The following CRACDL variants were observed in gnomAD, a reference collection of about 807,000 sequenced individuals.
The protein encoded by CRACDL is CRACD-like protein.
CRACDL carries 26 observed loss-of-function variants against 70.6 expected under a neutral mutation model. The observed-to-expected ratio is 0.37, with a 90% CI of 0.27 to 0.51. The LOEUF (loss-of-function observed/expected upper bound fraction) is 0.51, where lower values mean the gene tolerates loss of function less well. CRACDL is among the 20% of genes least tolerant of loss of function. The pLI, the probability that CRACDL is intolerant of heterozygous loss-of-function variation, is 0.94. For synonymous variants in CRACDL, 618 were observed against 615.2 expected (o/e 1.00, Z -0.07); for missense variants, 1,283 against 1,376.9 (o/e 0.93, Z 1.08).
At chr2:98,806,296 A>G (rs1704289331) in intron 7 of CRACDL, among the ~76,000 whole-genome samples, 1 of 152,386 alleles carries the variant, frequency 6.6e-6, no homozygotes, top group East Asian at 1.9e-4. Context: ...AAGAAAAAAC[A>G]ATCGTTGAGT....
intron 1 of CRACDL, among the ~76,000 whole-genome samples, chr2:98,852,423 T>C (rs757856167): frequency 2.0e-5 from 3 of 152,090 alleles, no homozygotes; most frequent in African/African-American, 2.4e-5. Context: ...TCATTTACAA[T>C]GTCTACCATA....
chr2:98,851,310 A>C (rs1434635073), intron 1 of CRACDL, among the ~76,000 whole-genome samples: 7 of 152,224 alleles, frequency 4.6e-5, no homozygotes, highest in African/African-American at 1.4e-4. Flanking sequence ...AGAACTGAAC[A>C]GATCACACCA....
intron 1 of CRACDL, among the ~76,000 whole-genome samples, chr2:98,850,051 G>C (rs1228433405): frequency 6.6e-6 from 1 of 152,184 alleles, no homozygotes; most frequent in Non-Finnish European, 1.5e-5. Flanking sequence ...ATGGACAAAG[G>C]CTCCCAGAGC....
chr2:98,917,504 A>G (rs988958180), intron 1 of CRACDL, among the ~76,000 whole-genome samples: 3 of 152,224 alleles, frequency 2.0e-5, no homozygotes, highest in African/African-American at 7.2e-5. Flanking sequence ...AAAACAAACA[A>G]ACAAAAGCAA....
chr2:98,843,570 G>C (rs1325760217), intron 2 of CRACDL, among the ~76,000 whole-genome samples: 1 of 152,216 alleles, frequency 6.6e-6, no homozygotes, highest in East Asian at 1.9e-4. Context: ...TAATCTGTGA[G>C]GTATATTTGC....
intron 7 of CRACDL, among the ~76,000 whole-genome samples, chr2:98,819,124 A>G (rs1704918191): frequency 1.3e-5 from 2 of 152,194 alleles, no homozygotes; most frequent in Non-Finnish European, 2.9e-5. Context: ...AAAATACTCT[A>G]TTACATTTTA....
intron 1 of CRACDL, among the ~76,000 whole-genome samples, chr2:98,922,072 T>A (rs748853086): frequency 1.2e-4 from 19 of 152,266 alleles, no homozygotes; most frequent in Non-Finnish European, 2.5e-4. Context: ...GTTTTTCTTC[T>A]TTTTTGATTT....
intron 5 of CRACDL, among the ~76,000 whole-genome samples, chr2:98,827,715 G>A (rs1402224101): frequency 6.6e-6 from 1 of 152,228 alleles, no homozygotes; most frequent in Non-Finnish European, 1.5e-5. Context: ...AGACCATGCA[G>A]AGAACCTGTG....
Position 98,821,894 on chromosome 2 carries a change from G to C in CRACDL, c.2379C>G (p.Pro793=). ...GCAGCGGCCTTTTCTCCGCCGTCCTGGGCTCCTTCCTGGGTTCCCGCTCTC... is the reference window on the plus strand; with the variant it reads ...GCAGCGGCCTTTTCTCCGCCGTCCTCGGCTCCTTCCTGGGTTCCCGCTCTC... ...GPGEREPRKE[P]RTAEKRPLRR... Residue 793 remains proline (P), a synonymous_variant, in exon 7 of 10, where the codon CCC becomes CCG. Transcript: ENST00000397899. 6.2e-7 allele frequency: 1 copy of C among 1,604,980 alleles called. No individual in the cohort carries two copies. The highest frequency in any genetic ancestry group is 8.5e-7 in the Non-Finnish European group (1 of 1,178,090).
At chr2:98,844,709 C>T (rs1444422287) in intron 2 of CRACDL, among the ~76,000 whole-genome samples, 1 of 152,188 alleles carries the variant, frequency 6.6e-6, no homozygotes, top group African/African-American at 2.4e-5. Context: ...TTCATAGTAT[C>T]CTGTTGCCTT....
rs118073497 is a variant in CRACDL at position 98,796,794 on chromosome 2, G to A, written c.2605-530C>T. 1.2e-3 allele frequency among the ~76,000 whole-genome samples: 184 copies of A among 152,184 alleles called. 4 individuals carry two copies. The East Asian group carries it at 0.03, about 25-fold the overall frequency. ...GGGGGATACAAAAATTGCGAGTCTC[G>A]GCCTGATTCTAGGCATAGTTGTTTG... On this transcript the variant is annotated intron_variant, in intron 8 of 9. Transcript: ENST00000397899.
In CRACDL at chr2:98,923,269, T is replaced by A. The variant is rs147679205; in HGVS notation, c.-11+12669A>T. Among the ~76,000 whole-genome samples, 523 of 136,790 alleles carry A rather than the reference T, an allele frequency of 3.8e-3. 16 individuals are homozygous for A. The East Asian group carries it at 0.073, about 19-fold the overall frequency. The allele number at this position is 136,790 out of a possible 152,430, so 89.7% of individuals were successfully genotyped here. A position where few individuals can be genotyped will look rare whatever the true frequency, so the allele number is the denominator to read the frequency against. On this transcript the variant is annotated intron_variant, in intron 1 of 9. Transcript: ENST00000397899. ...CTGGGTGACAGAGTGAGACACTGTCTCAAAAAAAAAAAAAAAAGAAAAAGA... is the reference window on the plus strand; with the variant it reads ...CTGGGTGACAGAGTGAGACACTGTCACAAAAAAAAAAAAAAAAGAAAAAGA...
At chr2:98,826,217 A>G (rs1479879512) in intron 6 of CRACDL, among the ~76,000 whole-genome samples, 2 of 152,182 alleles carry the variant, frequency 1.3e-5, no homozygotes, top group African/African-American at 4.8e-5. Context: ...CAGCACACCC[A>G]AAGAGGGGTC....
intron 1 of CRACDL, among the ~76,000 whole-genome samples, chr2:98,902,481 G>A (rs1210876345): frequency 6.6e-6 from 1 of 152,160 alleles, no homozygotes; most frequent in Non-Finnish European, 1.5e-5. Flanking sequence ...TGTGTGGGGC[G>A]CCTGAGTGTG....
At chr2:98,882,033 T>C (rs1707666358) in intron 1 of CRACDL, among the ~76,000 whole-genome samples, 1 of 152,164 alleles carries the variant, frequency 6.6e-6, no homozygotes, top group Admixed American at 6.5e-5. Flanking sequence ...GGTTGCTGTG[T>C]GGGGGCACCT....
chr2:98,827,560 G>A (rs933590431), intron 5 of CRACDL, among the ~76,000 whole-genome samples: 4 of 152,222 alleles, frequency 2.6e-5, no homozygotes, highest in African/African-American at 9.6e-5. Flanking sequence ...AAAGTGCTGG[G>A]ATTACAGGTG....
rs558038696 is a variant in CRACDL, at chr2:98,860,711, G to A, written c.-10-13901C>T. 2.6e-5 allele frequency among the ~76,000 whole-genome samples: 4 copies of A among 152,204 alleles called. No homozygotes were observed. In the South Asian group the frequency reaches 8.3e-4, roughly 32 times the overall value. Reference sequence around the variant, plus strand: ...GAGTAAGCCTGTCATTTTAGGTTAGGCAATAATTACTCAGATGTGACATCA... The same window carrying A: ...GAGTAAGCCTGTCATTTTAGGTTAGACAATAATTACTCAGATGTGACATCA... On this transcript the variant is annotated intron_variant, in intron 1 of 9. Transcript: ENST00000397899.
At chr2:98,916,525 A>T (rs1015482397) in intron 1 of CRACDL, among the ~76,000 whole-genome samples, 1 of 152,146 alleles carries the variant, frequency 6.6e-6, no homozygotes, top group African/African-American at 2.4e-5. Flanking sequence ...AAAAATGCTG[A>T]TTATAAAAAT....
rs1319282344 is a variant in CRACDL, at chr2:98,821,839, C to A, written c.2416+18G>T. 5.0e-6 allele frequency: 8 copies of A among 1,605,856 alleles called. No homozygotes were observed. The highest frequency in any genetic ancestry group is 1.3e-5 in the African/African-American group (1 of 74,274). On this transcript the variant is annotated intron_variant, in intron 7 of 9. Coordinates refer to ENST00000397899, the MANE Select transcript of CRACDL (RefSeq NM_207362.3). ...CTCCCCAGGCCCTGCCCTTCCCGCACCCTCGGCGGGCTCTTACCAGCTCCC... is the reference window on the plus strand; with the variant it reads ...CTCCCCAGGCCCTGCCCTTCCCGCAACCTCGGCGGGCTCTTACCAGCTCCC...
Sources: gnomAD v4.1 joint callset for allele counts (sites outside exome capture counted in the v4.1 genomes callset) on GRCh38, gnomAD v4.1.1 for gene constraint, MANE v1.5 for transcripts, NCBI Gene and HGNC (gene_info 2026-07-23, HGNC 2026-07-21) for gene names.